SACS: variants seen among roughly 807,000 people sequenced by gnomAD.
SACS encodes sacsin molecular chaperone.
Under a neutral mutation model 348.0 loss-of-function variants are expected in SACS, and 197 were observed. The ratio of observed to expected loss-of-function variants is 0.57; its 90% confidence interval spans 0.50 to 0.64. The LOEUF (loss-of-function observed/expected upper bound fraction) is 0.64. SACS is among the 30% of genes least tolerant of loss of function. SACS has a pLI of 0.00. For synonymous variants in SACS, 1,985 were observed against 1,910.6 expected (o/e 1.04, Z -1.02); for missense variants, 4,999 against 5,360.8 (o/e 0.93, Z 2.11).
Position 23,375,155 on chromosome 13 carries a change from C to T in SACS, c.135G>A (p.Pro45=). The T allele has an allele frequency of 1.3e-6, 2 of 1,504,256 alleles. No individual in the cohort carries two copies. Among genetic ancestry groups the T allele is most frequent in the Non-Finnish European group, 1.8e-6 (2 of 1,126,932 alleles). The allele number at this position is 1,504,256 out of a possible 1,614,324, so 93.2% of individuals were successfully genotyped here. A position where few individuals can be genotyped will look rare whatever the true frequency, so the allele number is the denominator to read the frequency against. Residue 45 remains proline (P), a synonymous_variant, in exon 3 of 10, where the codon CCG becomes CCA. Coordinates refer to ENST00000382292, the MANE Select transcript of SACS (RefSeq NM_014363.6). The stretch of plus-strand genomic sequence containing the variant: ...CGCGCCACAGCCGCTGCTCCGACAC[C>T]GGGAAGCCAGTCTCCGCGAAGATAC... ...KERIFAETGF[P]VSEQRLWRGG...
At chr13:23,366,017 G>A (rs775022020) in intron 5 of SACS, among the ~76,000 whole-genome samples, 4 of 152,072 alleles carry the variant, frequency 2.6e-5, no homozygotes, top group South Asian at 2.1e-4. Flanking sequence ...CTAAAATCAC[G>A]CTGGGCTCCG....
chr13:23,336,697 C>A lies in SACS; in HGVS notation c.7179G>T (p.Gln2393His), dbSNP rs747405071. The change falls in exon 10 of 10, where the codon CAG (glutamine) becomes CAT (histidine). Residue 2393 changes from glutamine (Q) to histidine (H), a missense_variant. Gln to His is a conservative substitution (Grantham distance 24). Transcript: ENST00000382292. ...GAGCAAAATCTTCAACAGTGCATGA[C>A]TGCCTCACACCCACGGTTTCAAAAA... The part of the protein sequence containing the change: ...RELFETVGVR[Q>H]SCTVEDFALV... The A allele has an allele frequency of 6.2e-7, 1 of 1,613,898 alleles. No individual in the cohort carries two copies. The highest frequency in any genetic ancestry group is 1.7e-5 in the Admixed American group (1 of 59,994).
intron 2 of SACS, among the ~76,000 whole-genome samples, chr13:23,401,028 T>C (rs1872953752): frequency 6.6e-6 from 1 of 152,136 alleles, no homozygotes; most frequent in South Asian, 2.1e-4. Context: ...TACATTCAAA[T>C]GGGTAAATAT....
rs927123200 is a variant in SACS, at chr13:23,333,732, T to C, written c.10144A>G (p.Asn3382Asp). The change falls in exon 10 of 10, where the codon AAT (asparagine) becomes GAT (aspartate). Residue 3382 changes from asparagine (N) to aspartate (D), a missense_variant. Asn to Asp is a conservative substitution (Grantham distance 23, BLOSUM62 1). This residue lies in a region of SACS where 734 missense variants were observed against 694.0 expected (regional missense o/e 1.06). Coordinates refer to ENST00000382292, the MANE Select transcript of SACS (RefSeq NM_014363.6). ...STFRAEKLVE[N>D]DFEALLMYFN... Reference sequence around the variant, plus strand: ...TACATCAAAAGTGCCTCAAAATCATTTTCTACTAATTTTTCTGCTCTAAAT... The same window carrying C: ...TACATCAAAAGTGCCTCAAAATCATCTTCTACTAATTTTTCTGCTCTAAAT... 1.2e-6 allele frequency: 2 copies of C among 1,613,782 alleles called. No individual in the cohort carries two copies. The highest frequency in any genetic ancestry group is 1.7e-6 in the Non-Finnish European group (2 of 1,179,784).
chr13:23,334,935 G>A lies in SACS; in HGVS notation c.8941C>T (p.Leu2981Phe). ...ATGTCTTCGTGAATGCAATTGTAAA[G>A]TGCTTTCACTAGACAATATAAATCT... The part of the protein sequence containing the change: ...QPDLYCLVKA[L>F]YNCIHEDMKR... The change falls in exon 10 of 10, where the codon CTT (leucine) becomes TTT (phenylalanine). Residue 2981 changes from leucine to phenylalanine, a missense_variant. By Grantham distance (22) the Leu-to-Phe change is conservative (BLOSUM62 0). Around this residue, in one of 6 missense-constraint regions of SACS, gnomAD observed 734 missense variants for 694.0 expected, o/e 1.06. Coordinates refer to ENST00000382292, the MANE Select transcript of SACS (RefSeq NM_014363.6). 1.2e-6 allele frequency: 2 copies of A among 1,613,840 alleles called. No individual in the cohort carries two copies. The highest frequency in any genetic ancestry group is 1.7e-6 in the Non-Finnish European group (2 of 1,179,828).
intron 9 of SACS, among the ~76,000 whole-genome samples, chr13:23,351,975 C>G (rs535274137): frequency 3.3e-5 from 5 of 152,272 alleles, no homozygotes; most frequent in African/African-American, 1.2e-4. Flanking sequence ...GTCAAGTTTT[C>G]TATATTAATT....
rs756700280 is a variant in SACS at position 23,354,890 on chromosome 13, C to A, written c.1722G>T (p.Gln574His). The change falls in exon 8 of 10, where the codon CAG becomes CAT. Residue 574 changes from glutamine to histidine, a missense_variant. Physicochemically the swap from Gln to His is conservative, Grantham distance 24. Coordinates refer to ENST00000382292, the MANE Select transcript of SACS (RefSeq NM_014363.6). ...TTTCATCAAGTTCTGAGAAGTACAC[C>A]TGCTCCAACCTGACCCAGTCACAGC... is the stretch of plus-strand genomic sequence containing the variant. ...SISCDWVRLEQVYFSELDENL... is the reference protein window; with the variant it reads ...SISCDWVRLEHVYFSELDENL... 1 of 1,614,220 alleles carries A rather than the reference C, an allele frequency of 6.2e-7. No individual in the cohort carries two copies. The highest frequency in any genetic ancestry group is 1.1e-5 in the South Asian group (1 of 91,092).
Position 23,335,604 on chromosome 13 carries a change from C to T in SACS, c.8272G>A (p.Ala2758Thr), listed in dbSNP as rs765022190. The part of the protein sequence containing the change: ...SICEIDKSTG[A>T]LNVLYSVKGK... ...TTTACTGAATACAGCACATTTAGAG[C>T]TCCAGTACTCTTATCTATTTCACAA... Residue 2758 changes from alanine (A) to threonine (T), a missense_variant, in exon 10 of 10, where the codon GCT becomes ACT. By Grantham distance (58) the Ala-to-Thr change is moderately conservative (BLOSUM62 0). Around this residue, in one of 6 missense-constraint regions of SACS, gnomAD observed 3,156 missense variants for 3,380.1 expected, o/e 0.93. Coordinates refer to ENST00000382292, the MANE Select transcript of SACS (RefSeq NM_014363.6). This position sits in a 1 kb window ranked among gnomAD's most constrained non-coding sequence, Gnocchi z 4.7. The T allele has an allele frequency of 1.9e-6, 3 of 1,613,786 alleles. No homozygotes were observed. Among genetic ancestry groups the T allele is most frequent in the Admixed American group, 3.3e-5 (2 of 59,984 alleles).
intron 3 of SACS, 75 bp downstream of exon 3, chr13:23,375,044 C>G: frequency 1.5e-6 from 2 of 1,325,500 alleles, no homozygotes; most frequent in Non-Finnish European, 1.9e-6. Context: ...ACCTGCGTCG[C>G]CCACCCCGGG....
Position 23,334,344 on chromosome 13 carries a change from G to T in SACS, c.9532C>A (p.His3178Asn), listed in dbSNP as rs777607403. 1 of 1,612,204 alleles carries T rather than the reference G, an allele frequency of 6.2e-7. No individual in the cohort carries two copies. Among genetic ancestry groups the T allele is most frequent in the Non-Finnish European group, 8.5e-7 (1 of 1,179,076 alleles). Reference sequence around the variant, plus strand: ...TCTTTGCGGGATGGAATCAATTCATGATATGTTGTTAGAAACTTGGGTCGT... The same window carrying T: ...TCTTTGCGGGATGGAATCAATTCATTATATGTTGTTAGAAACTTGGGTCGT... ...AKRPKFLTTY[H>N]ELIPSRKDLF... Residue 3178 changes from histidine to asparagine, a missense_variant, in exon 10 of 10, where the codon CAT becomes AAT. This residue lies in a region of SACS where 734 missense variants were observed against 694.0 expected (regional missense o/e 1.06). Coordinates refer to ENST00000382292, the MANE Select transcript of SACS (RefSeq NM_014363.6).
intron 1 of SACS, among the ~76,000 whole-genome samples, chr13:23,433,092 T>A (rs951011361): frequency 7.2e-5 from 11 of 152,216 alleles, no homozygotes; most frequent in Non-Finnish European, 1.5e-5. Context: ...AAGATAACCA[T>A]AACATATGGC....
Position 23,334,124 on chromosome 13 carries a change from A to G in SACS, c.9752T>C (p.Ile3251Thr). Reference protein sequence around the residue: ...ESWLKNAWHFISESVSVKEDQ... With the variant: ...ESWLKNAWHFTSESVSVKEDQ... The stretch of plus-strand genomic sequence containing the variant: ...TTCTTTCACACTTACAGATTCACTA[A>G]TAAAATGCCATGCATTCTTAAGCCA... The change falls in exon 10 of 10, where the codon ATT becomes ACT. Residue 3251 changes from isoleucine (I) to threonine (T), a missense_variant. Physicochemically the swap from Ile to Thr is moderately conservative, Grantham distance 89 (BLOSUM62 -1). Coordinates refer to ENST00000382292, the MANE Select transcript of SACS (RefSeq NM_014363.6). The G allele has an allele frequency of 6.2e-7, 1 of 1,613,858 alleles. No homozygotes were observed. The highest frequency in any genetic ancestry group is 1.1e-5 in the South Asian group (1 of 91,064).
chr13:23,331,782 C>T lies in SACS; in HGVS notation c.12094G>A (p.Glu4032Lys), dbSNP rs1485471357. ...GCTTTGCAAAGTCTTATGGCTTTTT[C>T]TTCATTGGCCAGAAAAGCATTATCA... ...ENDNAFLANE[E>K]KAIRLCKALR... Residue 4032 changes from glutamate to lysine, a missense_variant, in exon 10 of 10, where the codon GAA (glutamate) becomes AAA (lysine). Physicochemically the swap from Glu to Lys is moderately conservative, Grantham distance 56. Transcript: ENST00000382292. The T allele has an allele frequency of 6.2e-7, 1 of 1,613,870 alleles. No individual in the cohort carries two copies. Among genetic ancestry groups the T allele is most frequent in the South Asian group, 1.1e-5 (1 of 91,074 alleles).
chr13:23,332,143 G>C lies in SACS; in HGVS notation c.11733C>G (p.Ser3911Arg), dbSNP rs1252073227. ...TTGACTTTACCAATCTACCATCCTG[G>C]CTTGGGAGGTAAAGCGCAAGGTCTC... ...NVRDLALYLP[S>R]QDGRLVKSSI... The change falls in exon 10 of 10, where the codon AGC (serine) becomes AGG (arginine). Residue 3911 changes from serine to arginine, a missense_variant. Physicochemically the swap from Ser to Arg is moderately radical, Grantham distance 110. Coordinates refer to ENST00000382292, the MANE Select transcript of SACS (RefSeq NM_014363.6). 1.9e-6 allele frequency: 3 copies of C among 1,613,954 alleles called. No homozygotes were observed. The highest frequency in any genetic ancestry group is 2.5e-6 in the Non-Finnish European group (3 of 1,179,936).
intron 1 of SACS, among the ~76,000 whole-genome samples, chr13:23,429,305 C>T (rs1216478176): frequency 7.2e-6 from 1 of 139,602 alleles, no homozygotes. Flanking sequence ...ACAACCATGG[C>T]AGAGGCTCAC....
At chr13:23,374,389 G>A (rs1871610125) in intron 3 of SACS, among the ~76,000 whole-genome samples, 1 of 152,188 alleles carries the variant, frequency 6.6e-6, no homozygotes, top group Admixed American at 6.5e-5. Context: ...ATACGCTCAA[G>A]TATTCCTTGT....
Position 23,330,538 on chromosome 13 carries a change from T to C in SACS, c.13338A>G (p.Glu4446=), listed in dbSNP as rs776796928. The change falls in exon 10 of 10, where the codon GAA becomes GAG. Residue 4446 remains glutamate (E), a synonymous_variant. Transcript: ENST00000382292. ...TGGCTTGTCTTAGCCATCTGCGTGC[T>C]TCCACTGGATTGCCAACCGACTTGA... ...PTFKSVGNPV[E]ARRWLRQARA... The C allele has an allele frequency of 7.4e-6, 12 of 1,614,146 alleles. No homozygotes were observed. The East Asian group carries it at 2.5e-4, about 33-fold the overall frequency.
At chr13:23,369,076 A>C (rs558275244) in intron 4 of SACS, among the ~76,000 whole-genome samples, 25 of 152,364 alleles carry the variant, frequency 1.6e-4, no homozygotes, top group African/African-American at 5.0e-4. Context: ...CAAAAACAAG[A>C]AGCATGGTGC....
At position 23,367,312 on chromosome 13, in the gene SACS, A is replaced by C. The variant is rs562327768; in HGVS notation, c.345+1090T>G. 3.9e-5 allele frequency among the ~76,000 whole-genome samples: 6 copies of C among 152,330 alleles called. No homozygotes were observed. The South Asian group carries it at 1.2e-3, about 32-fold the overall frequency. On this transcript the variant is annotated intron_variant, in intron 5 of 9. Coordinates refer to ENST00000382292, the MANE Select transcript of SACS (RefSeq NM_014363.6). ...CAGTCTCACCATGATCACTAAAGAC[A>C]CAACAGTCCTCAGTGAGTGCCTACC...
Sources: allele counts gnomAD v4.1 joint callset (sites outside exome capture counted in the v4.1 genomes callset), GRCh38; gene constraint gnomAD v4.1.1; regional missense constraint gnomAD v4.1.1; non-coding constraint Gnocchi (gnomAD v3.1); transcripts MANE v1.5; gene names NCBI Gene and HGNC (gene_info 2026-07-23, HGNC 2026-07-21).